Variants in SLC25A25 observed in about 807,000 individuals in gnomAD.
SLC25A25 encodes the protein mitochondrial adenyl nucleotide antiporter SLC25A25.
Under a neutral mutation model 57.7 loss-of-function variants are expected in SLC25A25, and 32 were observed. That is an observed-to-expected ratio of 0.55 (90% CI 0.42 to 0.74). SLC25A25 has a LOEUF of 0.74. Among genes scored for constraint, SLC25A25 ranks in the 30% least tolerant of loss-of-function variants. SLC25A25 has a pLI of 0.00. For synonymous variants in SLC25A25, 306 were observed against 291.2 expected, an observed-to-expected ratio of 1.05 and a Z score of -0.52; for missense variants, 556 against 701.3, an observed-to-expected ratio of 0.79 and a Z score of 2.34.
intron 1 of SLC25A25, among the ~76,000 whole-genome samples, chr9:128,071,763 C>G (rs577268082): frequency 6.6e-6 from 1 of 151,492 alleles, no homozygotes; most frequent in South Asian, 2.1e-4. Context: ...GTCGCCCAGG[C>G]TGGAGTGCGA....
At chr9:128,092,398 AGT>A (rs1833435372) in intron 1 of SLC25A25, among the ~76,000 whole-genome samples, 1 of 152,202 alleles carries the variant, frequency 6.6e-6, no homozygotes. Context: ...AGCCTGTGAA[AGT>A]GTGCCTTAGC....
chr9:128,088,745 G>T (rs966853885), intron 1 of SLC25A25, among the ~76,000 whole-genome samples: 1 of 152,098 alleles, frequency 6.6e-6, no homozygotes, highest in Non-Finnish European at 1.5e-5. Context: ...TATCTTTGCC[G>T]GAAGCCCTTG....
At chr9:128,085,331 CAA>C (rs35591586) in intron 1 of SLC25A25, among the ~76,000 whole-genome samples, 108,774 of 146,728 alleles carry the variant, frequency 0.74, 41,961 homozygotes, top group Non-Finnish European at 0.85. Flanking sequence ...AACTCCGTCT[CAA>C]AAAAAAAAAA....
chr9:128,092,813 TAA>T (rs1833448495), intron 1 of SLC25A25, among the ~76,000 whole-genome samples: 1 of 152,164 alleles, frequency 6.6e-6, no homozygotes, highest in African/African-American at 2.4e-5. Context: ...GTTAAACAAC[TAA>T]AGAGAGGTGG....
intron 1 of SLC25A25, among the ~76,000 whole-genome samples, chr9:128,070,581 T>G (rs1189936642): frequency 1.3e-5 from 2 of 152,064 alleles, no homozygotes; most frequent in Non-Finnish European, 2.9e-5. Flanking sequence ...TTGTAATGTT[T>G]CCAGTCAGTT....
intron 1 of SLC25A25, among the ~76,000 whole-genome samples, chr9:128,086,706 C>T (rs2130797288): frequency 6.6e-6 from 1 of 151,676 alleles, no homozygotes; most frequent in African/African-American, 2.4e-5. Context: ...AAACTCCTGA[C>T]TTCAAGCAAT....
chr9:128,103,846 A>G lies in SLC25A25; in HGVS notation c.783+7A>G, dbSNP rs1281437493. Reference sequence around the variant, plus strand: ...GCTCAAGGTGCTCATGCAGGTATGTAGGGAAAAGGCCCCAGACCCCTGGGG... The same window carrying G: ...GCTCAAGGTGCTCATGCAGGTATGTGGGGAAAAGGCCCCAGACCCCTGGGG... On this transcript the variant is annotated splice_region_variant and intron_variant, in intron 6 of 10. Coordinates refer to ENST00000373069, the MANE Select transcript of SLC25A25 (RefSeq NM_001330988.2). This position sits in a 1 kb window ranked among gnomAD's most constrained non-coding sequence, Gnocchi z 6.7. 1 of 1,563,902 alleles carries G rather than the reference A, an allele frequency of 6.4e-7. No individual in the cohort carries two copies.
rs758488147 is a variant in SLC25A25, at chr9:128,101,251, G to T, written c.388+29G>T. ...AGTGTTGCCTTCAGAGCTGTGGCCG[G>T]TCCAGCCTCGGGCCTCCCCGTGCGC... On this transcript the variant is annotated intron_variant, in intron 2 of 10. Transcript: ENST00000373069. The surrounding 1 kb of genome is among the most constrained non-coding windows in gnomAD (Gnocchi z 4.9). The T allele has an allele frequency of 5.0e-6, 8 of 1,614,140 alleles. No individual in the cohort carries two copies. In the Admixed American group the frequency reaches 1.2e-4, roughly 24 times the overall value.
At chr9:128,096,846 T>C (rs1752732375) in intron 1 of SLC25A25, among the ~76,000 whole-genome samples, 1 of 152,124 alleles carries the variant, frequency 6.6e-6, no homozygotes, top group African/African-American at 2.4e-5. Context: ...GATAGCTGAG[T>C]GTCATGGATT....
intron 1 of SLC25A25, among the ~76,000 whole-genome samples, chr9:128,093,761 T>G (rs1833479890): frequency 6.6e-6 from 1 of 152,248 alleles, no homozygotes; most frequent in African/African-American, 2.4e-5. Flanking sequence ...AACAGTGCTC[T>G]GAAGGTGTTT....
intron 1 of SLC25A25, among the ~76,000 whole-genome samples, chr9:128,097,573 C>T (rs1170070890): frequency 3.3e-5 from 5 of 152,274 alleles, no homozygotes; most frequent in African/African-American, 7.2e-5. Flanking sequence ...GGATTACAGG[C>T]GTGTGCCACC....
chr9:128,085,049 G>A (rs968406934), intron 1 of SLC25A25, among the ~76,000 whole-genome samples: 7 of 152,160 alleles, frequency 4.6e-5, no homozygotes, highest in African/African-American at 1.7e-4. Context: ...TATATATTGG[G>A]CCGGGCAGAG....
Position 128,099,421 on chromosome 9 carries a change from C to T in SLC25A25, c.262-1675C>T. ...CCTCTGCTCTGGGTGTCTGCGACAG[C>T]ACCCACCCCAGGGAGGCATGTGGCT... is the stretch of plus-strand genomic sequence containing the variant. On this transcript the variant is annotated intron_variant, in intron 1 of 10. Coordinates refer to ENST00000373069, the MANE Select transcript of SLC25A25 (RefSeq NM_001330988.2). This position sits in a 1 kb window ranked among gnomAD's most constrained non-coding sequence, Gnocchi z 6.8. The T allele has an allele frequency of 5.2e-6, 6 of 1,149,354 alleles. No homozygotes were observed. Among genetic ancestry groups the T allele is most frequent in the Non-Finnish European group, 6.5e-6 (6 of 920,390 alleles). The allele number at this position is 1,149,354 out of a possible 1,614,324, so 71.2% of individuals were successfully genotyped here.
At chr9:128,079,720 C>T (rs144197635) in intron 1 of SLC25A25, among the ~76,000 whole-genome samples, 1,626 of 137,222 alleles carry the variant, frequency 0.012, 14 homozygotes, top group East Asian at 0.037. Flanking sequence ...GGGCCAGGCG[C>T]GGTGGCTCAC....
At chr9:128,098,913 T>A (rs1833672327) in intron 1 of SLC25A25, 1 of 985,336 alleles carries the variant, frequency 1.0e-6, no homozygotes, top group South Asian at 4.7e-5. Context: ...TTCATGTGAC[T>A]TCCCAGGAAG....
intron 1 of SLC25A25, among the ~76,000 whole-genome samples, chr9:128,084,588 C>T (rs1588759375): frequency 1.0e-5 from 1 of 97,156 alleles, no homozygotes; most frequent in Non-Finnish European, 2.5e-5. Flanking sequence ...CCCACCTTAC[C>T]GGGCTGAACC....
intron 1 of SLC25A25, among the ~76,000 whole-genome samples, chr9:128,084,040 C>T (rs147852767): frequency 9.2e-5 from 14 of 152,138 alleles, no homozygotes; most frequent in Admixed American, 4.6e-4. Context: ...GCCCATGATT[C>T]GACTCACTAC....
chr9:128,103,821 G>A lies in SLC25A25; in HGVS notation c.765G>A (p.Arg255=). 6.2e-7 allele frequency: 1 copy of A among 1,602,698 alleles called. No homozygotes were observed. The highest frequency in any genetic ancestry group is 8.5e-7 in the Non-Finnish European group (1 of 1,174,242). Residue 255 remains arginine (R), a synonymous_variant, in exon 6 of 11, where the codon AGG becomes AGA. Coordinates refer to ENST00000373069, the MANE Select transcript of SLC25A25 (RefSeq NM_001330988.2). The surrounding 1 kb of genome is among the most constrained non-coding windows in gnomAD (Gnocchi z 6.7). ...GAACCTGCACGGCCCCCCTGGACAG[G>A]CTCAAGGTGCTCATGCAGGTATGTA... The part of the protein sequence containing the change: ...VSRTCTAPLD[R]LKVLMQVHAS...
At chr9:128,083,605 G>C (rs575055821) in intron 1 of SLC25A25, among the ~76,000 whole-genome samples, 1 of 144,752 alleles carries the variant, frequency 6.9e-6, no homozygotes, top group African/African-American at 2.5e-5. Flanking sequence ...CGCCTCCCGG[G>C]CTTACGCCAT....
Sources: gnomAD v4.1 joint callset for allele counts (sites outside exome capture counted in the v4.1 genomes callset) on GRCh38, gnomAD v4.1.1 for gene constraint, Gnocchi (gnomAD v3.1) non-coding constraint, MANE v1.5 for transcripts, NCBI Gene and HGNC (gene_info 2026-07-23, HGNC 2026-07-21) for gene names.